NAA35: variants seen among roughly 807,000 people sequenced by gnomAD.
NAA35 encodes the protein N-alpha-acetyltransferase 35, NatC auxiliary subunit.
NAA35 carries 18 observed loss-of-function variants against 101.7 expected under a neutral mutation model. The ratio of observed to expected loss-of-function variants is 0.18; its 90% confidence interval spans 0.12 to 0.26. The LOEUF is 0.26. Among genes scored for constraint, NAA35 ranks in the 10% least tolerant of loss-of-function variants. The probability of loss-of-function intolerance (pLI) is 1.00; values close to 1 mark genes in which losing one functional copy is unlikely to be tolerated. For missense variants in NAA35, 601 were observed against 886.8 expected, an observed-to-expected ratio of 0.68 and a Z score of 4.09; for synonymous variants, 267 against 273.1, an observed-to-expected ratio of 0.98 and a Z score of 0.22.
chr9:85,946,751 C>G (rs1828781816), intron 2 of NAA35, among the ~76,000 whole-genome samples: 2 of 150,964 alleles, frequency 1.3e-5, no homozygotes, highest in African/African-American at 4.9e-5. Context: ...ATTATTCTTT[C>G]AGTGTGGCTC....
At chr9:85,942,104 T>C in intron 1 of NAA35, 51 bp from the exon 2 acceptor site, 1 of 1,588,070 alleles carries the variant, frequency 6.3e-7, no homozygotes, top group East Asian at 2.2e-5. Flanking sequence ...CTGCAAATAC[T>C]CTTGCCCTGA....
intron 11 of NAA35, among the ~76,000 whole-genome samples, chr9:85,980,396 T>A (rs113786333): frequency 2.4e-4 from 36 of 152,322 alleles, no homozygotes; most frequent in African/African-American, 8.7e-4. Context: ...CATGCCTGTC[T>A]TTTTGGTTAT....
At position 86,024,437 on chromosome 9, in the gene NAA35, C is replaced by CT. The variant is rs1406622146; in HGVS notation, c.*2478dup. On this transcript the variant is annotated 3_prime_UTR_variant, in exon 23 of 23. Transcript: ENST00000361671. ...TTTATTCTGATATTGGTAGATTCTA[C>CT]TGAAGGCTTGTATGCAGGGACATGA... Among the ~76,000 whole-genome samples, 54 of 152,256 alleles carry CT rather than the reference C, an allele frequency of 3.5e-4. No homozygotes were observed. The highest frequency in any genetic ancestry group is 5.9e-5 in the Non-Finnish European group (4 of 68,026).
rs1828494639 is a variant in NAA35, at chr9:85,941,190, A to AGGGGGCGGCGGCGGC, written c.-88_-74dup. 2 of 984,832 alleles carry AGGGGGCGGCGGCGGC rather than the reference A, an allele frequency of 2.0e-6. No individual in the cohort carries two copies. The highest frequency in any genetic ancestry group is 2.4e-6 in the Non-Finnish European group (2 of 830,398). The allele number at this position is 984,832 out of a possible 1,614,324, so 61.0% of individuals were successfully genotyped here. Reference sequence around the variant, plus strand: ...GCCGGTCGGGCTGGGCTGAGAGGGGAGGGGGCGGCGGCGGCCGAGGCGGCG... The same window carrying AGGGGGCGGCGGCGGC: ...GCCGGTCGGGCTGGGCTGAGAGGGGAGGGGGCGGCGGCGGCGGGGGCGGCGGCGGCCGAGGCGGCG... On this transcript the variant is annotated 5_prime_UTR_variant, in exon 1 of 23. Transcript: ENST00000361671.
At position 86,018,525 on chromosome 9, in the gene NAA35, T is replaced by C; in HGVS notation, c.1914+130T>C. On this transcript the variant is annotated intron_variant, in intron 20 of 22. Transcript: ENST00000361671. ...CATAAGAATAATATGAGGTAGCATATGAGGGTTGAGAATTATATATTACCT... is the reference window on the plus strand; with the variant it reads ...CATAAGAATAATATGAGGTAGCATACGAGGGTTGAGAATTATATATTACCT... The C allele has an allele frequency of 2.3e-6, 3 of 1,330,484 alleles. No individual in the cohort carries two copies. In the South Asian group the frequency reaches 4.5e-5, roughly 20 times the overall value. The allele number at this position is 1,330,484 out of a possible 1,614,324, so 82.4% of individuals were successfully genotyped here.
intron 3 of NAA35, among the ~76,000 whole-genome samples, chr9:85,956,898 C>T (rs1203478388): frequency 6.6e-6 from 1 of 152,168 alleles, no homozygotes; most frequent in Non-Finnish European, 1.5e-5. Context: ...TGCTTCAACT[C>T]ATGGTGGAAA....
intron 5 of NAA35, among the ~76,000 whole-genome samples, chr9:85,961,232 A>G (rs751063844): frequency 2.0e-5 from 3 of 152,172 alleles, no homozygotes; most frequent in Non-Finnish European, 4.4e-5. Context: ...TCATTTTGCA[A>G]TGCAGTAGCG....
Position 86,013,068 on chromosome 9 carries a change from T to A in NAA35, c.1313T>A (p.Ile438Asn), listed in dbSNP as rs777400340. ...CVRPFCSLIQ[I>N]HGHNRARQRD... ...CAGCCATTCTGTAGTCTTATTCAGA[T>A]CCATGGACATAACAGGGCTCGACAG... The change falls in exon 16 of 23, where the codon ATC becomes AAC. Residue 438 changes from isoleucine to asparagine, a missense_variant. Ile to Asn is a moderately radical substitution (Grantham distance 149). Around this residue, in one of 8 missense-constraint regions of NAA35, gnomAD observed 99 missense variants for 206.7 expected, o/e 0.48. Transcript: ENST00000361671. 6.3e-7 allele frequency: 1 copy of A among 1,589,672 alleles called. No individual in the cohort carries two copies. The highest frequency in any genetic ancestry group is 8.6e-7 in the Non-Finnish European group (1 of 1,163,300).
intron 19 of NAA35, 46 bp downstream of exon 19, chr9:86,017,611 C>T (rs746417002): frequency 3.5e-6 from 5 of 1,425,970 alleles, no homozygotes; most frequent in Non-Finnish European, 3.9e-6. Flanking sequence ...AGCTATATCC[C>T]TATTATATAG....
intron 6 of NAA35, among the ~76,000 whole-genome samples, chr9:85,973,876 CTGTT>C (rs1009232192): frequency 3.3e-5 from 5 of 149,766 alleles, no homozygotes; most frequent in Non-Finnish European, 5.9e-5. Flanking sequence ...TTGATGCTCA[CTGTT>C]TTTTTTTTTA....
At chr9:85,946,968 T>C (rs1828794682) in intron 2 of NAA35, among the ~76,000 whole-genome samples, 1 of 152,204 alleles carries the variant, frequency 6.6e-6, no homozygotes, top group South Asian at 2.1e-4. Flanking sequence ...CTTTCTTTTC[T>C]ATCTTCTCTC....
At chr9:85,966,402 A>C (rs928269703) in intron 6 of NAA35, among the ~76,000 whole-genome samples, 1 of 152,244 alleles carries the variant, frequency 6.6e-6, no homozygotes, top group Non-Finnish European at 1.5e-5. Flanking sequence ...GTGTTCAAAT[A>C]AAGTACAACA....
In NAA35 at chr9:86,021,870, A is replaced by C. The variant is rs373928656; in HGVS notation, c.2119-31A>C. 823 of 1,515,046 alleles carry C rather than the reference A, an allele frequency of 5.4e-4. 2 individuals are homozygous for C. The highest frequency in any genetic ancestry group is 6.6e-4 in the Non-Finnish European group (724 of 1,092,610). The allele number at this position is 1,515,046 out of a possible 1,614,324, so 93.9% of individuals were successfully genotyped here. A position where few individuals can be genotyped will look rare whatever the true frequency, so the allele number is the denominator to read the frequency against. On this transcript the variant is annotated intron_variant, in intron 22 of 22. Transcript: ENST00000361671. ...GTGTACCATCTGAATATTTGTAGAT[A>C]CATTAATTGAGTTTCGTTTTTCTTT...
At chr9:85,969,957 A>G (rs545187169) in intron 6 of NAA35, among the ~76,000 whole-genome samples, 8 of 151,982 alleles carry the variant, frequency 5.3e-5, no homozygotes, top group Non-Finnish European at 1.0e-4. Context: ...CACTAAAACT[A>G]CTGTGTCACA....
chr9:85,990,474 A>C (rs1286303766), intron 11 of NAA35, among the ~76,000 whole-genome samples: 1 of 152,246 alleles, frequency 6.6e-6, no homozygotes, highest in Non-Finnish European at 1.5e-5. Flanking sequence ...ATTAACAGCT[A>C]CCTTTCTGAA....
intron 1 of NAA35, chr9:85,941,599 G>A (rs936237817): frequency 2.9e-5 from 29 of 985,900 alleles, no homozygotes; most frequent in Admixed American, 6.1e-5. Flanking sequence ...GCGTGTGCCC[G>A]CCTCAGGTGT....
chr9:86,005,732 CAA>C (rs984927111), intron 13 of NAA35, among the ~76,000 whole-genome samples: 42 of 152,122 alleles, frequency 2.8e-4, no homozygotes, highest in Non-Finnish European at 2.9e-4. Context: ...TTTACAATAA[CAA>C]AATGAAATAC....
chr9:86,015,344 C>T (rs564743670), intron 17 of NAA35, among the ~76,000 whole-genome samples: 1 of 152,210 alleles, frequency 6.6e-6, no homozygotes, highest in Admixed American at 6.5e-5. Context: ...TTTTGAACTG[C>T]TTTTTAATTT....
At chr9:86,005,514 C>T (rs930805698) in intron 13 of NAA35, among the ~76,000 whole-genome samples, 2 of 152,066 alleles carry the variant, frequency 1.3e-5, no homozygotes, top group Non-Finnish European at 2.9e-5. Flanking sequence ...AAATGGCACA[C>T]AGATTTGGAA....
Sources: gnomAD v4.1 joint callset for allele counts (sites outside exome capture counted in the v4.1 genomes callset) on GRCh38, gnomAD v4.1.1 for gene constraint, gnomAD v4.1.1 regional missense constraint, MANE v1.5 for transcripts, NCBI Gene and HGNC (gene_info 2026-07-23, HGNC 2026-07-21) for gene names.